The following RASEF variants were observed in gnomAD, a reference collection of about 807,000 sequenced individuals.
RASEF encodes the protein RAS and EF-hand domain containing.
In RASEF, 68 loss-of-function variants were observed where a neutral mutation model predicts 90.1. The ratio of observed to expected loss-of-function variants is 0.75; its 90% CI spans 0.62 to 0.92. RASEF has a LOEUF of 0.92. Ranked by LOEUF, RASEF falls within the 40% of genes least tolerant of loss-of-function variation. The pLI, the probability that RASEF is intolerant of heterozygous loss-of-function variation, is 0.00. For missense variants in RASEF, 949 were observed against 937.2 expected (o/e 1.01, Z -0.16); for synonymous variants, 331 against 345.2 (o/e 0.96, Z 0.46).
At chr9:82,998,010 T>A (rs1828952725) in intron 13 of RASEF, among the ~76,000 whole-genome samples, 1 of 152,176 alleles carries the variant, frequency 6.6e-6, no homozygotes, top group Admixed American at 6.5e-5. Flanking sequence ...GGGAGCTGAC[T>A]GGTTCTCTTC....
chr9:83,152,735 T>TATAC, the RASEF span, among the ~76,000 whole-genome samples: 2 of 150,714 alleles, frequency 1.3e-5, no homozygotes, highest in Admixed American at 6.6e-5. Context: ...CAGACACACA[T>TATAC]ACACACACAC....
At chr9:83,129,700 G>A in the RASEF span, among the ~76,000 whole-genome samples, 1 of 152,262 alleles carries the variant, frequency 6.6e-6, no homozygotes, top group East Asian at 1.9e-4. Context: ...AGGTAGCCAC[G>A]GAAGTCACTG....
chr9:83,204,388 T>C, the RASEF span, among the ~76,000 whole-genome samples: 1 of 152,280 alleles, frequency 6.6e-6, no homozygotes, highest in East Asian at 1.9e-4. Context: ...TATCTGAAGT[T>C]CACAGGCCAC....
the RASEF span, among the ~76,000 whole-genome samples, chr9:83,140,828 A>T: frequency 6.6e-6 from 1 of 152,164 alleles, no homozygotes; most frequent in Non-Finnish European, 1.5e-5. Flanking sequence ...AATTGATGGA[A>T]ATAGAAATAA....
Position 83,049,358 on chromosome 9 carries a change from G to T in RASEF, c.431+13079C>A, listed in dbSNP as rs144870995. The T allele has an allele frequency of 3.1e-5, 31 of 984,786 alleles. No individual in the cohort carries two copies. The African/African-American group carries it at 4.7e-4, about 15-fold the overall frequency. The allele number at this position is 984,786 out of a possible 1,614,324, so 61.0% of individuals were successfully genotyped here. On this transcript the variant is annotated intron_variant, in intron 1 of 16. Coordinates refer to ENST00000376447, the MANE Select transcript of RASEF (RefSeq NM_152573.4). Reference sequence around the variant, plus strand: ...TCCAAGCTACATCTCCACAGTCAATGTCCGTGCGGGACTGGCTCATACATG... The same window carrying T: ...TCCAAGCTACATCTCCACAGTCAATTTCCGTGCGGGACTGGCTCATACATG...
chr9:83,059,668 C>A (rs887004536), intron 1 of RASEF, among the ~76,000 whole-genome samples: 1 of 152,124 alleles, frequency 6.6e-6, no homozygotes, highest in Non-Finnish European at 1.5e-5. Flanking sequence ...CCTGGTAGCA[C>A]CTGTCCTCCC....
In RASEF at chr9:83,023,850, G is replaced by A. The variant is rs1361947314; in HGVS notation, c.579-1424C>T. On this transcript the variant is annotated intron_variant, in intron 2 of 16. Transcript: ENST00000376447. ...TATCCAATCCCAAGCATCTGGGACT[G>A]CTCCGTAATGGACTCTCTCTGCCCT... 2.6e-5 allele frequency among the ~76,000 whole-genome samples: 4 copies of A among 152,280 alleles called. No individual in the cohort carries two copies. In the East Asian group the frequency reaches 7.7e-4, roughly 29 times the overall value.
At chr9:83,137,570 A>G in the RASEF span, among the ~76,000 whole-genome samples, 2 of 152,280 alleles carry the variant, frequency 1.3e-5, no homozygotes, top group South Asian at 4.1e-4. Flanking sequence ...TGCTGGGAAT[A>G]AGAAAAATAG....
the RASEF span, among the ~76,000 whole-genome samples, chr9:83,180,819 C>T: frequency 6.6e-6 from 1 of 151,596 alleles, no homozygotes; most frequent in African/African-American, 2.4e-5. Context: ...ATGCAGTTAC[C>T]AAATTGGAAA....
intron 2 of RASEF, among the ~76,000 whole-genome samples, chr9:83,022,800 A>G (rs1275160243): frequency 6.6e-6 from 1 of 152,154 alleles, no homozygotes; most frequent in East Asian, 1.9e-4. Flanking sequence ...GGAAACCTGA[A>G]CAGCATGGGA....
chr9:83,008,579 C>T (rs897062496), intron 6 of RASEF, among the ~76,000 whole-genome samples: 6 of 151,896 alleles, frequency 4.0e-5, no homozygotes, highest in South Asian at 2.1e-4. Flanking sequence ...TTAATGCTTG[C>T]GAAGGACCAG....
the RASEF span, among the ~76,000 whole-genome samples, chr9:83,104,623 T>C: frequency 1.3e-5 from 2 of 151,354 alleles, no homozygotes; most frequent in African/African-American, 4.8e-5. Context: ...ATTTCCTTTT[T>C]CTTCCCATAA....
At chr9:82,996,327 A>G (rs748407038) in intron 14 of RASEF, among the ~76,000 whole-genome samples, 6 of 152,236 alleles carry the variant, frequency 3.9e-5, no homozygotes, top group Non-Finnish European at 8.8e-5. Context: ...CTGGAACTGT[A>G]GTGTTATGTT....
At chr9:83,203,815 G>A in the RASEF span, among the ~76,000 whole-genome samples, 13 of 152,276 alleles carry the variant, frequency 8.5e-5, no homozygotes, top group Admixed American at 5.9e-4. Context: ...AGTGCATGGT[G>A]CCAGCAGAAC....
the RASEF span, among the ~76,000 whole-genome samples, chr9:83,072,793 G>A: frequency 7.2e-5 from 11 of 152,262 alleles, no homozygotes; most frequent in Non-Finnish European, 1.6e-4. Context: ...TTGAGGGTGG[G>A]TCTGCCTCTC....
At chr9:83,091,205 A>G in the RASEF span, among the ~76,000 whole-genome samples, 1 of 152,202 alleles carries the variant, frequency 6.6e-6, no homozygotes, top group Non-Finnish European at 1.5e-5. Context: ...ACACAGCCCT[A>G]TACCTGCACA....
intron 1 of RASEF, among the ~76,000 whole-genome samples, chr9:83,027,392 C>A (rs937470352): frequency 2.0e-5 from 3 of 152,148 alleles, no homozygotes; most frequent in African/African-American, 7.2e-5. Flanking sequence ...TAATCTTAAT[C>A]ATGTTCAGCC....
the RASEF span, among the ~76,000 whole-genome samples, chr9:83,150,635 T>C: frequency 2.9e-3 from 435 of 152,332 alleles, 5 homozygotes; most frequent in African/African-American, 9.4e-3. Context: ...TATTTAACTT[T>C]AGTAAATCAC....
At chr9:83,150,516 C>A in the RASEF span, among the ~76,000 whole-genome samples, 2 of 152,128 alleles carry the variant, frequency 1.3e-5, no homozygotes, top group African/African-American at 2.4e-5. Context: ...ATATATATTT[C>A]TTATTATACC....
Sources: allele counts gnomAD v4.1 joint callset (sites outside exome capture counted in the v4.1 genomes callset), GRCh38; gene constraint gnomAD v4.1.1; transcripts MANE v1.5; gene names NCBI Gene and HGNC (gene_info 2026-07-23, HGNC 2026-07-21).